Variants in ATXN1 observed in about 807,000 individuals in gnomAD.
ATXN1 encodes the protein ataxin 1.
ATXN1 carries 8 observed loss-of-function variants against 56.4 expected under a neutral mutation model. That is an observed-to-expected ratio of 0.14 (90% CI 0.08 to 0.26). The LOEUF is 0.26. Among genes scored for constraint, ATXN1 ranks in the 10% least tolerant of loss-of-function variants. ATXN1 has a pLI of 1.00. For missense variants in ATXN1, 987 were observed against 1,106.5 expected, an observed-to-expected ratio of 0.89 and a Z score of 1.53; for synonymous variants, 514 against 494.6, an observed-to-expected ratio of 1.04 and a Z score of -0.52.
intron 2 of ATXN1, among the ~76,000 whole-genome samples, chr6:16,676,132 T>C (rs934680431): frequency 1.8e-4 from 27 of 152,132 alleles, no homozygotes; most frequent in African/African-American, 6.5e-4. Flanking sequence ...CAGGGTAGTA[T>C]TACATTGGTA....
In ATXN1 at chr6:16,653,855, T is replaced by C. The variant is rs536476555; in HGVS notation, c.-489+3921A>G. 2.7e-4 allele frequency among the ~76,000 whole-genome samples: 41 copies of C among 152,270 alleles called. No homozygotes were observed. The South Asian group carries it at 8.5e-3, about 32-fold the overall frequency. ...GTTGCTTAGGTCAACAAGCAAATATTTCCTGGACACCTACCATAGGCTCAG... is the reference window on the plus strand; with the variant it reads ...GTTGCTTAGGTCAACAAGCAAATATCTCCTGGACACCTACCATAGGCTCAG... On this transcript the variant is annotated intron_variant, in intron 3 of 7. Coordinates refer to ENST00000436367, the MANE Select transcript of ATXN1 (RefSeq NM_001128164.2).
At chr6:16,340,400 T>C (rs1340682852) in intron 6 of ATXN1, among the ~76,000 whole-genome samples, 2 of 152,224 alleles carry the variant, frequency 1.3e-5, no homozygotes, top group Non-Finnish European at 2.9e-5. Flanking sequence ...TTGGTGATTC[T>C]TCACATCATG....
At chr6:16,638,224 G>T (rs578095447) in intron 3 of ATXN1, among the ~76,000 whole-genome samples, 2 of 151,734 alleles carry the variant, frequency 1.3e-5, no homozygotes, top group African/African-American at 2.4e-5. Flanking sequence ...GTGGAGGATC[G>T]CTTGAGCCCA....
chr6:16,749,780 G>T (rs562760), intron 2 of ATXN1, among the ~76,000 whole-genome samples: 84,158 of 151,944 alleles, frequency 0.55, 23,811 homozygotes, highest in East Asian at 0.7. Flanking sequence ...CCCCCTCCTG[G>T]GTGTCAAACT....
chr6:16,758,666 ACTGT>A (rs773880434), intron 1 of ATXN1, among the ~76,000 whole-genome samples: 1 of 152,218 alleles, frequency 6.6e-6, no homozygotes, highest in African/African-American at 2.4e-5. Flanking sequence ...GACGAGGAAC[ACTGT>A]CTGTTGCCAT....
intron 4 of ATXN1, among the ~76,000 whole-genome samples, chr6:16,528,770 T>A (rs1241363381): frequency 6.6e-6 from 1 of 152,092 alleles, no homozygotes; most frequent in Non-Finnish European, 1.5e-5. Context: ...AGGTCACCAG[T>A]AAGTGACAAA....
intron 4 of ATXN1, among the ~76,000 whole-genome samples, chr6:16,553,946 A>C (rs1026939906): frequency 3.3e-5 from 5 of 152,216 alleles, no homozygotes; most frequent in Admixed American, 6.5e-5. Flanking sequence ...TAAAGCATTT[A>C]GGGGTGGGAA....
chr6:16,683,597 A>G (rs1447307031), intron 2 of ATXN1, among the ~76,000 whole-genome samples: 1 of 152,204 alleles, frequency 6.6e-6, no homozygotes, highest in East Asian at 1.9e-4. Flanking sequence ...GGGCTACCTG[A>G]AAGTGTTTAT....
rs938841076 is a variant in ATXN1, at chr6:16,354,264, AT to A, written c.-160-25795del. Among the ~76,000 whole-genome samples the A allele has an allele frequency of 1.1e-4, 16 of 146,408 alleles. 1 individual carries two copies. The highest frequency in any genetic ancestry group is 1.4e-4 in the Admixed American group (2 of 14,676). On this transcript the variant is annotated intron_variant, in intron 6 of 7. Transcript: ENST00000436367. Reference sequence around the variant, plus strand: ...CCCTTCCTTCTATCTTATTTCACTTATTTTTTTTTTTGAGATGGAGTCTCGC... The same window carrying A: ...CCCTTCCTTCTATCTTATTTCACTTATTTTTTTTTTGAGATGGAGTCTCGC...
intron 6 of ATXN1, among the ~76,000 whole-genome samples, chr6:16,361,285 C>T (rs1219021218): frequency 6.6e-6 from 1 of 152,120 alleles, no homozygotes; most frequent in Non-Finnish European, 1.5e-5. Flanking sequence ...GATGAGAGAA[C>T]GTAATGTTTC....
At chr6:16,683,117 A>G (rs1257007074) in intron 2 of ATXN1, among the ~76,000 whole-genome samples, 1 of 145,490 alleles carries the variant, frequency 6.9e-6, no homozygotes, top group Non-Finnish European at 1.5e-5. Context: ...TCTGGCCATT[A>G]AAAAAAAAAA....
At chr6:16,632,084 G>T (rs951860894) in intron 3 of ATXN1, among the ~76,000 whole-genome samples, 1 of 152,154 alleles carries the variant, frequency 6.6e-6, no homozygotes, top group African/African-American at 2.4e-5. Flanking sequence ...TAAATGAGAG[G>T]CTACAGCTAA....
intron 4 of ATXN1, among the ~76,000 whole-genome samples, chr6:16,544,241 G>A (rs932727670): frequency 2.0e-5 from 3 of 152,222 alleles, no homozygotes; most frequent in African/African-American, 7.2e-5. Context: ...AGAGGAATGT[G>A]ACAACGGCCT....
At chr6:16,732,038 T>C (rs1334060714) in intron 2 of ATXN1, among the ~76,000 whole-genome samples, 1 of 152,180 alleles carries the variant, frequency 6.6e-6, no homozygotes, top group African/African-American at 2.4e-5. Context: ...TGCCAAGACT[T>C]TTCTAGTTGT....
intron 6 of ATXN1, among the ~76,000 whole-genome samples, chr6:16,413,372 T>C (rs1421624177): frequency 6.6e-6 from 1 of 152,114 alleles, no homozygotes; most frequent in Non-Finnish European, 1.5e-5. Flanking sequence ...CAAATATAGT[T>C]TGTGCATTTG....
At chr6:16,354,700 A>G (rs1409016966) in intron 6 of ATXN1, among the ~76,000 whole-genome samples, 1 of 152,212 alleles carries the variant, frequency 6.6e-6, no homozygotes, top group African/African-American at 2.4e-5. Flanking sequence ...GAGAGCTCTA[A>G]AAAGAACCTT....
At chr6:16,340,115 G>A (rs1381391290) in intron 6 of ATXN1, among the ~76,000 whole-genome samples, 1 of 152,306 alleles carries the variant, frequency 6.6e-6, no homozygotes, top group East Asian at 1.9e-4. Context: ...CTCAGGTCTG[G>A]CCTTTGCCCC....
chr6:16,357,662 G>A (rs928880464), intron 6 of ATXN1, among the ~76,000 whole-genome samples: 3 of 152,114 alleles, frequency 2.0e-5, no homozygotes, highest in Non-Finnish European at 2.9e-5. Flanking sequence ...ATGGCTCCCC[G>A]TGCAGAAGAC....
chr6:16,632,079 G>A (rs1763514073), intron 3 of ATXN1, among the ~76,000 whole-genome samples: 1 of 152,186 alleles, frequency 6.6e-6, no homozygotes, highest in Non-Finnish European at 1.5e-5. Context: ...AGGTTTAAAT[G>A]AGAGGCTACA....
Sources: allele counts gnomAD v4.1 joint callset (sites outside exome capture counted in the v4.1 genomes callset), GRCh38; gene constraint gnomAD v4.1.1; transcripts MANE v1.5; gene names NCBI Gene and HGNC (gene_info 2026-07-23, HGNC 2026-07-21).